Variants in LAMTOR3 observed in about 807,000 individuals in gnomAD.
LAMTOR3 encodes the protein ragulator complex protein LAMTOR3.
A neutral mutation model predicts 20.3 loss-of-function variants in LAMTOR3; 14 were observed. The observed-to-expected ratio is 0.69, with a 90% confidence interval of 0.46 to 1.08. LAMTOR3 has a LOEUF of 1.08. Among genes scored for constraint, LAMTOR3 ranks in the 50% least tolerant of loss-of-function variants. The probability of loss-of-function intolerance (pLI) is 0.00; values close to 1 mark genes in which losing one functional copy is unlikely to be tolerated. For synonymous variants in LAMTOR3, 40 were observed against 49.4 expected (o/e 0.81, Z 0.80); for missense variants, 125 against 143.7 (o/e 0.87, Z 0.67).
chr4:99,891,886 T>C (rs1242271585), intron 3 of LAMTOR3, 114 bp downstream of exon 3: 5 of 1,443,736 alleles, frequency 3.5e-6, no homozygotes, highest in Non-Finnish European at 4.6e-6. Flanking sequence ...AAAATATTCA[T>C]ATTAAAGGAA....
rs1724767745 is a variant in LAMTOR3 at position 99,879,012 on chromosome 4, A to G, written c.*2982T>C. 1 of 152,130 alleles carries G rather than the reference A, an allele frequency of 6.6e-6. No homozygotes were observed. Among genetic ancestry groups the G allele is most frequent in the South Asian group, 2.1e-4 (1 of 4,832 alleles). 9.4% of individuals were successfully genotyped at this position (152,130 alleles called of 1,614,324 possible). ...ATTTCTAGAAGTGGAATTGCAGGGC[A>G]AAAGGTTATGTATATGAATTTAAAA... On this transcript the variant is annotated 3_prime_UTR_variant, in exon 7 of 7. Coordinates refer to ENST00000499666, the MANE Select transcript of LAMTOR3 (RefSeq NM_021970.4).
chr4:99,891,397 C>G (rs1230063384), intron 3 of LAMTOR3, among the ~76,000 whole-genome samples: 1 of 152,166 alleles, frequency 6.6e-6, no homozygotes, highest in Non-Finnish European at 1.5e-5. Context: ...TCAATAACTA[C>G]GTAAAGTATA....
intron 3 of LAMTOR3, 53 bp from the exon 4 acceptor site, chr4:99,887,407 A>G: frequency 1.2e-6 from 1 of 815,286 alleles, no homozygotes; most frequent in Non-Finnish European, 1.8e-6. Flanking sequence ...TAAAATTTTA[A>G]AAAGTTAAAA....
chr4:99,894,195 G>A (rs1273460761), intron 1 of LAMTOR3, 140 bp downstream of exon 1: 2 of 400,384 alleles, frequency 5.0e-6, no homozygotes, highest in African/African-American at 2.1e-5. Context: ...CCTTACCTCA[G>A]CCCACCCCAT....
chr4:99,889,119 C>A (rs1161157012), intron 3 of LAMTOR3, among the ~76,000 whole-genome samples: 1 of 152,078 alleles, frequency 6.6e-6, no homozygotes, highest in East Asian at 1.9e-4. Flanking sequence ...GCATAAGAAT[C>A]GATTGAACCT....
In LAMTOR3 at chr4:99,885,662, A is replaced by G. The variant is rs1273405643; in HGVS notation, c.117T>C (p.Asn39=). 1 of 1,612,552 alleles carries G rather than the reference A, an allele frequency of 6.2e-7. No homozygotes were observed. Among genetic ancestry groups the G allele is most frequent in the African/African-American group, 1.3e-5 (1 of 74,938 alleles). ...CAGGTCGCAAAGCATGCTCTGGAGCATTGTCATTTGCCACTAGAAAAATAA... is the reference window on the plus strand; with the variant it reads ...CAGGTCGCAAAGCATGCTCTGGAGCGTTGTCATTTGCCACTAGAAAAATAA... ...GVPVIKVAND[N]APEHALRPGF... The change falls in exon 5 of 7, where the codon AAT becomes AAC. Residue 39 remains asparagine, a synonymous_variant. Coordinates refer to ENST00000499666, the MANE Select transcript of LAMTOR3 (RefSeq NM_021970.4).
At position 99,881,812 on chromosome 4, in the gene LAMTOR3, C is replaced by A. The variant is rs1724832455; in HGVS notation, c.*182G>T. 1.8e-6 allele frequency: 1 copy of A among 569,004 alleles called. No homozygotes were observed. Among genetic ancestry groups the A allele is most frequent in the South Asian group, 2.2e-5 (1 of 45,994 alleles). 35.2% of individuals were successfully genotyped at this position (569,004 alleles called of 1,614,324 possible). On this transcript the variant is annotated 3_prime_UTR_variant, in exon 7 of 7. Coordinates refer to ENST00000499666, the MANE Select transcript of LAMTOR3 (RefSeq NM_021970.4). ...TCACTAAATAAGAAAGACCCTACAC[C>A]AGAAAATATAGCAACTGATCTATCT...
chr4:99,884,479 G>C (rs982184024), intron 5 of LAMTOR3, among the ~76,000 whole-genome samples: 2 of 152,142 alleles, frequency 1.3e-5, no homozygotes, highest in South Asian at 4.1e-4. Flanking sequence ...AGTTATTCAA[G>C]TAGTTTTATC....
chr4:99,887,124 T>C (rs1724942972), intron 4 of LAMTOR3, among the ~76,000 whole-genome samples, 172 bp downstream of exon 4: 1 of 152,166 alleles, frequency 6.6e-6, no homozygotes, highest in South Asian at 2.1e-4. Context: ...ACATTGTAGA[T>C]TCAAATTCAA....
At position 99,894,097 on chromosome 4, in the gene LAMTOR3, T is replaced by A; in HGVS notation, c.-37-97A>T. 5.3e-6 allele frequency: 4 copies of A among 748,768 alleles called. No individual in the cohort carries two copies. In the South Asian group the frequency reaches 1.2e-4, roughly 23 times the overall value. 46.4% of individuals were successfully genotyped at this position (748,768 alleles called of 1,614,324 possible). A position where few individuals can be genotyped will look rare whatever the true frequency, so the allele number is the denominator to read the frequency against. ...GAGATCAGCCCTGGTCAGAACCAGG[T>A]AAAACCCCCGCGGTTCTAGGGCTTG... On this transcript the variant is annotated intron_variant, in intron 1 of 6. Coordinates refer to ENST00000499666, the MANE Select transcript of LAMTOR3 (RefSeq NM_021970.4).
In LAMTOR3 at chr4:99,879,675, G is replaced by C. The variant is rs920552798; in HGVS notation, c.*2319C>G. 6.6e-6 allele frequency: 1 copy of C among 151,986 alleles called. No homozygotes were observed. The highest frequency in any genetic ancestry group is 6.5e-5 in the Admixed American group (1 of 15,268). The allele number at this position is 151,986 out of a possible 1,614,324, so 9.4% of individuals were successfully genotyped here. ...TACATTTCGAGACATGCTTTGTTAG[G>C]TGATTTCATCATTATGTGAACATCA... On this transcript the variant is annotated 3_prime_UTR_variant, in exon 7 of 7. Transcript: ENST00000499666.
intron 4 of LAMTOR3, among the ~76,000 whole-genome samples, chr4:99,886,897 T>C (rs940714352): frequency 1.3e-5 from 2 of 152,082 alleles, no homozygotes; most frequent in African/African-American, 4.8e-5. Context: ...AACTAGCAAT[T>C]TGATAAAATG....
chr4:99,884,002 T>C, intron 6 of LAMTOR3, 60 bp downstream of exon 6: 3 of 1,169,140 alleles, frequency 2.6e-6, no homozygotes, highest in African/African-American at 1.6e-5. Context: ...TAAGGTATGG[T>C]AATTAAATTA....
At chr4:99,885,172 A>G (rs1314143323) in intron 5 of LAMTOR3, among the ~76,000 whole-genome samples, 1 of 152,176 alleles carries the variant, frequency 6.6e-6, no homozygotes, top group African/African-American at 2.4e-5. Flanking sequence ...AGCAAGAGCA[A>G]ATTTAATAAA....
intron 5 of LAMTOR3, 32 bp from the exon 6 acceptor site, chr4:99,884,157 T>A (rs1724877310): frequency 6.5e-7 from 1 of 1,529,348 alleles, no homozygotes; most frequent in Non-Finnish European, 9.1e-7. Context: ...AATAATATGT[T>A]GCATTATGAA....
chr4:99,890,080 G>C (rs1724995310), intron 3 of LAMTOR3, among the ~76,000 whole-genome samples: 5 of 152,096 alleles, frequency 3.3e-5, no homozygotes, highest in Admixed American at 2.6e-4. Flanking sequence ...GGCTCATTAA[G>C]AGATACTACA....
intron 3 of LAMTOR3, among the ~76,000 whole-genome samples, chr4:99,888,374 C>A (rs544683904): frequency 6.6e-6 from 1 of 152,176 alleles, no homozygotes; most frequent in Non-Finnish European, 1.5e-5. Context: ...TAATTTATCA[C>A]TAAAGTACTA....
At position 99,893,999 on chromosome 4, in the gene LAMTOR3, G is replaced by A. The variant is rs1369437193; in HGVS notation, c.-36C>T. On this transcript the variant is annotated splice_region_variant and 5_prime_UTR_variant, in exon 2 of 7. Coordinates refer to ENST00000499666, the MANE Select transcript of LAMTOR3 (RefSeq NM_021970.4). ...CTTCTCTCGCAGGATCAATCTCCAC[G>A]CCTGGAAGAGAAACTCCCGGTGACT... 1.3e-6 allele frequency: 2 copies of A among 1,516,942 alleles called. No individual in the cohort carries two copies. The highest frequency in any genetic ancestry group is 1.8e-6 in the Non-Finnish European group (2 of 1,125,640). The allele number at this position is 1,516,942 out of a possible 1,614,324, so 94.0% of individuals were successfully genotyped here. A position where few individuals can be genotyped will look rare whatever the true frequency, so the allele number is the denominator to read the frequency against.
chr4:99,881,729 C>T lies in LAMTOR3; in HGVS notation c.*265G>A, dbSNP rs1724830783. ...GAATCTCTCATCCATATCTGGTGAC[C>T]AGACTAACTCCATGGGAGCTGTGAT... On this transcript the variant is annotated 3_prime_UTR_variant, in exon 7 of 7. Coordinates refer to ENST00000499666, the MANE Select transcript of LAMTOR3 (RefSeq NM_021970.4). 8.0e-6 allele frequency: 3 copies of T among 374,120 alleles called. No individual in the cohort carries two copies. Among genetic ancestry groups the T allele is most frequent in the Non-Finnish European group, 9.6e-6 (2 of 208,708 alleles). The allele number at this position is 374,120 out of a possible 1,614,324, so 23.2% of individuals were successfully genotyped here. A position where few individuals can be genotyped will look rare whatever the true frequency, so the allele number is the denominator to read the frequency against.
Sources: gnomAD v4.1 joint callset for allele counts (sites outside exome capture counted in the v4.1 genomes callset) on GRCh38, gnomAD v4.1.1 for gene constraint, MANE v1.5 for transcripts, NCBI Gene and HGNC (gene_info 2026-07-23, HGNC 2026-07-21) for gene names.